The following CCSER1 variants were observed in gnomAD, a reference collection of about 807,000 sequenced individuals.
The protein encoded by CCSER1 is serine-rich coiled-coil domain-containing protein 1.
A neutral mutation model predicts 82.0 loss-of-function variants in CCSER1; 41 were observed. The observed-to-expected ratio is 0.50, with a 90% CI of 0.39 to 0.65. CCSER1 has a LOEUF of 0.65. Among genes scored for constraint, CCSER1 ranks in the 30% least tolerant of loss-of-function variants. CCSER1 has a pLI of 0.00. For missense variants in CCSER1, 1,119 were observed against 1,064.2 expected (o/e 1.05, Z -0.72); for synonymous variants, 414 against 383.9 (o/e 1.08, Z -0.92).
At chr4:90,535,176 G>A (rs1240558170) in intron 5 of CCSER1, among the ~76,000 whole-genome samples, 5 of 151,670 alleles carry the variant, frequency 3.3e-5, no homozygotes, top group Admixed American at 3.3e-4. Flanking sequence ...TAGATATCTA[G>A]AACCTATTAA....
chr4:90,283,193 T>C (rs958089542), intron 1 of CCSER1, among the ~76,000 whole-genome samples: 1 of 152,012 alleles, frequency 6.6e-6, no homozygotes, highest in Non-Finnish European at 1.5e-5. Context: ...GAAACGCTAA[T>C]ATTTCATGGT....
At chr4:90,704,164 G>T (rs1738792092) in intron 6 of CCSER1, among the ~76,000 whole-genome samples, 1 of 152,114 alleles carries the variant, frequency 6.6e-6, no homozygotes, top group Non-Finnish European at 1.5e-5. Flanking sequence ...TTTAGGGCAG[G>T]CCTGGTGATG....
At chr4:90,347,609 C>T (rs969016107) in intron 3 of CCSER1, among the ~76,000 whole-genome samples, 1 of 152,004 alleles carries the variant, frequency 6.6e-6, no homozygotes, top group Non-Finnish European at 1.5e-5. Context: ...GAATATGTCC[C>T]CTACATTTTA....
At chr4:90,666,901 A>G (rs2149125117) in intron 6 of CCSER1, among the ~76,000 whole-genome samples, 1 of 152,230 alleles carries the variant, frequency 6.6e-6, no homozygotes, top group East Asian at 1.9e-4. Flanking sequence ...GAGATGGCAG[A>G]GAGTGGTGAA....
chr4:90,506,795 C>A (rs933743936), intron 5 of CCSER1, among the ~76,000 whole-genome samples: 2 of 151,556 alleles, frequency 1.3e-5, no homozygotes, highest in Non-Finnish European at 2.9e-5. Context: ...AAATAACTTT[C>A]AAAAATAACA....
intron 10 of CCSER1, among the ~76,000 whole-genome samples, chr4:91,182,404 G>A (rs935226461): frequency 1.3e-4 from 20 of 152,164 alleles, no homozygotes; most frequent in African/African-American, 4.8e-4. Flanking sequence ...TGTACGTGCT[G>A]TACAGCTGCT....
At chr4:90,418,529 T>A (rs1293317848) in intron 4 of CCSER1, among the ~76,000 whole-genome samples, 1 of 151,996 alleles carries the variant, frequency 6.6e-6, no homozygotes, top group African/African-American at 2.4e-5. Context: ...ATGAGGTAAA[T>A]AACATCACTT....
intron 10 of CCSER1, among the ~76,000 whole-genome samples, chr4:91,575,866 G>A (rs1763428560): frequency 6.6e-6 from 1 of 151,894 alleles, no homozygotes; most frequent in Admixed American, 6.6e-5. Flanking sequence ...GTTGGAAGGG[G>A]TGTAGAGAAA....
intron 5 of CCSER1, among the ~76,000 whole-genome samples, chr4:90,470,535 C>T (rs191759609): frequency 6.6e-6 from 1 of 152,138 alleles, no homozygotes; most frequent in Non-Finnish European, 1.5e-5. Flanking sequence ...TTATAAAGTA[C>T]AAAGGTAGCA....
rs1000676577 is a variant in CCSER1, at chr4:91,275,987, G to A, written c.2217+189993G>A. ...AACTATAAAAACATGGATTTATCTG[G>A]GGTTCTCTATTCTATTCCATCAGTC... On this transcript the variant is annotated intron_variant, in intron 10 of 10. Transcript: ENST00000509176. 5.3e-5 allele frequency among the ~76,000 whole-genome samples: 8 copies of A among 151,798 alleles called. No individual in the cohort carries two copies. In the South Asian group the frequency reaches 1.7e-3, roughly 32 times the overall value.
chr4:90,812,543 C>G (rs1946141603), intron 7 of CCSER1, among the ~76,000 whole-genome samples: 1 of 152,088 alleles, frequency 6.6e-6, no homozygotes, highest in Non-Finnish European at 1.5e-5. Context: ...AAGATGAGCA[C>G]TGTAACATGG....
rs553959578 is a variant in CCSER1, at chr4:91,098,610, C to T, written c.2217+12616C>T. ...AGGCTGGAGAGCAGTGGTGTGATCT[C>T]TGCTCACTGCAAGCTCCGCCTCCCG... is the stretch of plus-strand genomic sequence containing the variant. On this transcript the variant is annotated intron_variant, in intron 10 of 10. Coordinates refer to ENST00000509176, the MANE Select transcript of CCSER1 (RefSeq NM_001145065.2). Among the ~76,000 whole-genome samples the T allele has an allele frequency of 2.0e-4, 31 of 151,262 alleles. No individual in the cohort carries two copies. In the South Asian group the frequency reaches 3.3e-3, roughly 16 times the overall value.
intron 5 of CCSER1, among the ~76,000 whole-genome samples, chr4:90,626,667 G>A (rs1331027046): frequency 1.3e-5 from 2 of 152,072 alleles, no homozygotes; most frequent in African/African-American, 4.8e-5. Flanking sequence ...TCAAACCTCA[G>A]CAATGTCTTT....
At chr4:91,263,808 A>T (rs545035510) in intron 10 of CCSER1, among the ~76,000 whole-genome samples, 1 of 152,062 alleles carries the variant, frequency 6.6e-6, no homozygotes, top group South Asian at 2.1e-4. Flanking sequence ...GGATGCTGGA[A>T]AAATTCTCCT....
At chr4:91,209,009 G>A (rs1445734732) in intron 10 of CCSER1, among the ~76,000 whole-genome samples, 1 of 151,450 alleles carries the variant, frequency 6.6e-6, no homozygotes, top group Non-Finnish European at 1.5e-5. Flanking sequence ...TTTGGCTCTT[G>A]CCTTGGGTGC....
intron 10 of CCSER1, among the ~76,000 whole-genome samples, chr4:91,504,773 T>C (rs1319755557): frequency 6.6e-6 from 1 of 152,134 alleles, no homozygotes; most frequent in Non-Finnish European, 1.5e-5. Context: ...CATGACTAAA[T>C]ATGAATATAT....
At chr4:91,463,988 C>G (rs186496333) in intron 10 of CCSER1, among the ~76,000 whole-genome samples, 4 of 152,250 alleles carry the variant, frequency 2.6e-5, no homozygotes, top group Admixed American at 2.6e-4. Context: ...CATTCAAATT[C>G]AGGAAATACA....
chr4:91,327,983 C>T (rs904961953), intron 10 of CCSER1, among the ~76,000 whole-genome samples: 1 of 152,160 alleles, frequency 6.6e-6, no homozygotes. Flanking sequence ...CCACCTCAGC[C>T]TGGACTTCAT....
chr4:90,410,566 G>A (rs978842663), intron 4 of CCSER1, among the ~76,000 whole-genome samples: 1 of 152,128 alleles, frequency 6.6e-6, no homozygotes, highest in Non-Finnish European at 1.5e-5. Flanking sequence ...AAATAAAGAT[G>A]TTCTTTGAAA....
Sources: gnomAD v4.1 joint callset for allele counts (sites outside exome capture counted in the v4.1 genomes callset) on GRCh38, gnomAD v4.1.1 for gene constraint, MANE v1.5 for transcripts, NCBI Gene and HGNC (gene_info 2026-07-23, HGNC 2026-07-21) for gene names.